Variants in NNT observed in about 807,000 individuals in gnomAD.
NNT encodes NAD(P) transhydrogenase, mitochondrial.
NNT carries 50 observed loss-of-function variants against 104.8 expected under a neutral mutation model. That is an observed-to-expected ratio of 0.48 (90% CI 0.38 to 0.60). The LOEUF is 0.60. Ranked by LOEUF, NNT falls within the 20% of genes least tolerant of loss-of-function variation. The pLI is 0.00. For missense variants in NNT, 1,131 were observed against 1,330.7 expected (o/e 0.85, Z 2.33); for synonymous variants, 461 against 490.4 (o/e 0.94, Z 0.79).
chr5:43,632,914 T>C (rs544449933), intron 7 of NNT, among the ~76,000 whole-genome samples: 3 of 152,126 alleles, frequency 2.0e-5, no homozygotes, highest in Non-Finnish European at 4.4e-5. Flanking sequence ...ATCTGATAAG[T>C]ACGTTGGGGA....
At chr5:43,612,881 A>ATATT in intron 2 of NNT, 27 bp from the exon 3 acceptor site, 2 of 1,348,600 alleles carry the variant, frequency 1.5e-6, no homozygotes, top group Non-Finnish European at 2.0e-6. Context: ...CCAAATATAT[A>ATATT]TTTTTTTTGC....
chr5:43,694,660 T>C (rs1281644072), intron 19 of NNT, among the ~76,000 whole-genome samples: 1 of 152,112 alleles, frequency 6.6e-6, no homozygotes, highest in Non-Finnish European at 1.5e-5. Flanking sequence ...AGCTTTTTGA[T>C]GTGCTGCTGG....
chr5:43,665,512 G>A (rs1740597459), intron 17 of NNT, among the ~76,000 whole-genome samples: 2 of 152,122 alleles, frequency 1.3e-5, no homozygotes, highest in South Asian at 4.1e-4. Flanking sequence ...TTAACCCTTA[G>A]TGGACACAGC....
intron 8 of NNT, 71 bp downstream of exon 8, chr5:43,644,396 T>C: frequency 6.5e-7 from 1 of 1,536,802 alleles, no homozygotes; most frequent in Non-Finnish European, 8.8e-7. Context: ...GTTTATTTCT[T>C]TAAATATTTA....
chr5:43,606,168 G>A lies in NNT; in HGVS notation c.-54+2874G>A, dbSNP rs150994765. ...CTATTAAAGCTCAGTTCACTCTTTT[G>A]CTGATGAGGTCTGGGAACTCTTTGT... On this transcript the variant is annotated intron_variant, in intron 1 of 21. Coordinates refer to ENST00000344920, the MANE Select transcript of NNT (RefSeq NM_182977.3). Among the ~76,000 whole-genome samples the A allele has an allele frequency of 3.1e-3, 474 of 152,232 alleles. 6 individuals are homozygous for A. The highest frequency in any genetic ancestry group is 0.011 in the African/African-American group (453 of 41,536).
At chr5:43,623,954 C>A in intron 5 of NNT, 78 bp from the exon 6 acceptor site, 2 of 1,303,308 alleles carry the variant, frequency 1.5e-6, no homozygotes, top group Non-Finnish European at 2.2e-6. Context: ...TTATACTAGG[C>A]ACCAATAATT....
At chr5:43,655,444 A>G (rs1183874918) in intron 14 of NNT, among the ~76,000 whole-genome samples, 1 of 152,224 alleles carries the variant, frequency 6.6e-6, no homozygotes, top group East Asian at 1.9e-4. Flanking sequence ...ACACATAAAT[A>G]CTTAACACAA....
At chr5:43,657,253 A>C (rs916919865) in intron 16 of NNT, among the ~76,000 whole-genome samples, 3 of 152,252 alleles carry the variant, frequency 2.0e-5, no homozygotes, top group Non-Finnish European at 4.4e-5. Context: ...AAATAAGTAT[A>C]AAATGAAATG....
intron 19 of NNT, among the ~76,000 whole-genome samples, chr5:43,687,633 G>A (rs1008552662): frequency 7.2e-5 from 11 of 152,122 alleles, no homozygotes; most frequent in South Asian, 4.1e-4. Context: ...AATCTTGCAC[G>A]TGTTTTTCTC....
At chr5:43,692,555 C>T (rs1349037763) in intron 19 of NNT, among the ~76,000 whole-genome samples, 2 of 152,184 alleles carry the variant, frequency 1.3e-5, no homozygotes, top group Non-Finnish European at 2.9e-5. Flanking sequence ...AACTCCTGAC[C>T]TCAGGTGATC....
intron 1 of NNT, among the ~76,000 whole-genome samples, chr5:43,606,166 T>C (rs1193242098): frequency 6.6e-6 from 1 of 152,184 alleles, no homozygotes; most frequent in African/African-American, 2.4e-5. Context: ...GTTCACTCTT[T>C]TGCTGATGAG....
chr5:43,622,865 GTT>G (rs36088911), intron 5 of NNT, among the ~76,000 whole-genome samples: 6 of 138,498 alleles, frequency 4.3e-5, no homozygotes, highest in Admixed American at 7.2e-5. Context: ...TTAAATTATG[GTT>G]TTTTTTTTTT....
At chr5:43,647,849 A>C (rs1235937719) in intron 10 of NNT, 4 of 455,152 alleles carry the variant, frequency 8.8e-6, no homozygotes, top group Non-Finnish European at 1.8e-5. Context: ...CATTGTGCTA[A>C]ATACTTCACA....
rs368774089 is a variant in NNT, at chr5:43,704,255, G to C, written c.3112G>C (p.Val1038Leu). Residue 1038 changes from valine to leucine, a missense_variant and splice_region_variant, in exon 22 of 22, where the codon GTG becomes CTG. Val to Leu is a conservative substitution (Grantham distance 32). Transcript: ENST00000344920. ...PVLEVWKSKQVIVMKRSLGVG... is the reference protein window; with the variant it reads ...PVLEVWKSKQLIVMKRSLGVG... ...CTCTCATTTAATCTCTGGTTCTCAG[G>C]TGATTGTTATGAAGAGGTCTTTGGG... is the stretch of plus-strand genomic sequence containing the variant. 5.1e-6 allele frequency: 8 copies of C among 1,559,486 alleles called. No individual in the cohort carries two copies. Among genetic ancestry groups the C allele is most frequent in the African/African-American group, 4.2e-5 (3 of 72,022 alleles).
At chr5:43,645,679 C>CTATATATA (rs1161609592) in intron 10 of NNT, 169 bp downstream of exon 10, 2 of 74,840 alleles carry the variant, frequency 2.7e-5, no homozygotes, top group Admixed American at 1.9e-4. Context: ...CTCTCTCTCT[C>CTATATATA]TCTCTATATA....
intron 17 of NNT, among the ~76,000 whole-genome samples, chr5:43,665,758 G>C (rs541776618): frequency 7.3e-6 from 1 of 137,896 alleles, no homozygotes; most frequent in East Asian, 2.0e-4. Flanking sequence ...CCTCCCAGAC[G>C]GGGTGGTGGC....
chr5:43,657,222 T>C (rs990151766), intron 16 of NNT, among the ~76,000 whole-genome samples: 8 of 152,200 alleles, frequency 5.3e-5, no homozygotes, highest in African/African-American at 1.9e-4. Flanking sequence ...CTTACATCAT[T>C]GGAAGATATG....
chr5:43,608,539 A>T (rs1303875503), intron 1 of NNT, among the ~76,000 whole-genome samples: 1 of 152,188 alleles, frequency 6.6e-6, no homozygotes, highest in Non-Finnish European at 1.5e-5. Context: ...GTCATGTGTC[A>T]TGCATGTTTA....
intron 19 of NNT, among the ~76,000 whole-genome samples, chr5:43,685,234 G>A (rs1741922126): frequency 6.6e-6 from 1 of 152,088 alleles, no homozygotes. Flanking sequence ...TTCTGTTTAT[G>A]TATTTTGCCT....
Sources: gnomAD v4.1 joint callset for allele counts (sites outside exome capture counted in the v4.1 genomes callset) on GRCh38, gnomAD v4.1.1 for gene constraint, MANE v1.5 for transcripts, NCBI Gene and HGNC (gene_info 2026-07-23, HGNC 2026-07-21) for gene names.